TCF20: variants seen among roughly 807,000 people sequenced by gnomAD.
TCF20 encodes the protein SPRE-binding protein.
TCF20 carries 3 observed loss-of-function variants against 148.6 expected under a neutral mutation model. The observed-to-expected ratio is 0.02, with a 90% confidence interval of 0.01 to 0.05. TCF20 has a LOEUF of 0.05. TCF20 is among the 10% of genes least tolerant of loss of function. TCF20 has a pLI of 1.00. For synonymous variants in TCF20, 1,049 were observed against 909.5 expected, an observed-to-expected ratio of 1.15 and a Z score of -2.76; for missense variants, 2,350 against 2,429.3, an observed-to-expected ratio of 0.97 and a Z score of 0.69.
chr22:42,233,628 A>C (rs1427903674), intron 1 of TCF20, among the ~76,000 whole-genome samples: 1 of 152,224 alleles, frequency 6.6e-6, no homozygotes, highest in East Asian at 1.9e-4. Flanking sequence ...GTGGGACCTT[A>C]GTTCTCTTAC....
chr22:42,325,219 C>T (rs1927853256), intron 1 of TCF20, among the ~76,000 whole-genome samples: 1 of 152,246 alleles, frequency 6.6e-6, no homozygotes, highest in Non-Finnish European at 1.5e-5. Flanking sequence ...GTGCTGGAGC[C>T]ACCACCTCTG....
chr22:42,162,651 T>TCA (rs1935536196), intron 5 of TCF20, among the ~76,000 whole-genome samples: 1 of 152,164 alleles, frequency 6.6e-6, no homozygotes, highest in African/African-American at 2.4e-5. Context: ...TATCTGCCAA[T>TCA]CACTGTGCTT....
chr22:42,298,791 G>A (rs1927280438), intron 1 of TCF20, among the ~76,000 whole-genome samples: 1 of 152,250 alleles, frequency 6.6e-6, no homozygotes. Context: ...AACCACAGCA[G>A]GGATGGGCCA....
At chr22:42,243,462 C>T (rs944110221) in intron 1 of TCF20, among the ~76,000 whole-genome samples, 3 of 151,640 alleles carry the variant, frequency 2.0e-5, no homozygotes, top group African/African-American at 2.4e-5. Flanking sequence ...AATTAGCAGG[C>T]ATGGTGGTGG....
At chr22:42,306,522 C>T (rs1328642995) in intron 1 of TCF20, among the ~76,000 whole-genome samples, 1 of 152,204 alleles carries the variant, frequency 6.6e-6, no homozygotes, top group African/African-American at 2.4e-5. Flanking sequence ...AGGCAGTGGG[C>T]CTCCACTGTG....
intron 1 of TCF20, among the ~76,000 whole-genome samples, chr22:42,254,057 C>CA (rs1925581837): frequency 1.7e-5 from 1 of 58,510 alleles, no homozygotes; most frequent in Non-Finnish European, 3.2e-5. Flanking sequence ...GCCTGGGCAA[C>CA]AAGAGCAAAA....
At chr22:42,294,173 C>G (rs1429509443) in intron 1 of TCF20, among the ~76,000 whole-genome samples, 1 of 152,114 alleles carries the variant, frequency 6.6e-6, no homozygotes, top group Non-Finnish European at 1.5e-5. Context: ...CACACACCCG[C>G]CAGCCCGCTC....
rs1298303219 is a variant in TCF20 at position 42,211,192 on chromosome 22, T to C, written c.4114A>G (p.Ser1372Gly). 2 of 1,614,186 alleles carry C rather than the reference T, an allele frequency of 1.2e-6. No individual in the cohort carries two copies. Among genetic ancestry groups the C allele is most frequent in the Middle Eastern group, 1.6e-4 (1 of 6,062 alleles). The change falls in exon 2 of 6, where the codon AGT becomes GGT. Residue 1372 changes from serine to glycine, a missense_variant. Ser to Gly is a moderately conservative substitution (Grantham distance 56). This residue lies in a region of TCF20 where 231 missense variants were observed against 213.7 expected (regional missense o/e 1.08). Transcript: ENST00000677622. The stretch of plus-strand genomic sequence containing the variant: ...ACCGTGTCTCCCCCAGCCTCCGCAC[T>C]GTTCGAAGATGCGCTCCTCCTAATA... ...PNIRRSASSNSAEAGGDTVTL... is the reference protein window; with the variant it reads ...PNIRRSASSNGAEAGGDTVTL...
At position 42,266,176 on chromosome 22, in the gene TCF20, C is replaced by G. The variant is rs552018068; in HGVS notation, c.-37+4163G>C. On this transcript the variant is annotated intron_variant, in intron 1 of 5. Coordinates refer to ENST00000677622, the MANE Select transcript of TCF20 (RefSeq NM_001378418.1). ...TTTGTGCCTTGAGCAGGCAACAAAC[C>G]TAGTACAGCACAGGCTCTGGAGCCA... is the stretch of plus-strand genomic sequence containing the variant. Among the ~76,000 whole-genome samples, 10 of 152,174 alleles carry G rather than the reference C, an allele frequency of 6.6e-5. No individual in the cohort carries two copies. The South Asian group carries it at 1.0e-3, about 16-fold the overall frequency.
At chr22:42,327,457 G>A (rs1927894920) in intron 1 of TCF20, among the ~76,000 whole-genome samples, 1 of 152,188 alleles carries the variant, frequency 6.6e-6, no homozygotes, top group African/African-American at 2.4e-5. Flanking sequence ...CCAACCTGCA[G>A]CTGGGCCCAA....
At position 42,213,023 on chromosome 22, in the gene TCF20, G is replaced by A. The variant is rs1295478005; in HGVS notation, c.2283C>T (p.His761=). The A allele has an allele frequency of 7.4e-6, 12 of 1,613,970 alleles. No homozygotes were observed. Among genetic ancestry groups the A allele is most frequent in the African/African-American group, 4.0e-5 (3 of 74,900 alleles). Residue 761 remains histidine, a synonymous_variant, in exon 2 of 6, where the codon CAC becomes CAT. Transcript: ENST00000677622. Reference sequence around the variant, plus strand: ...TAGAATATCTCCTGTCAGGGTGGTGGTGGTAACCCTGAAGCACTTCCTGCA... The same window carrying A: ...TAGAATATCTCCTGTCAGGGTGGTGATGGTAACCCTGAAGCACTTCCTGCA... ...SLLQEVLQGY[H]HHPDRRYSRS... is the part of the protein sequence containing the mutation.
chr22:42,233,622 GAC>G (rs1923625947), intron 1 of TCF20, among the ~76,000 whole-genome samples: 2 of 152,196 alleles, frequency 1.3e-5, no homozygotes, highest in Non-Finnish European at 2.9e-5. Flanking sequence ...CACAGCGTGG[GAC>G]CTTAGTTCTC....
At chr22:42,226,533 T>C (rs1000338739) in intron 1 of TCF20, among the ~76,000 whole-genome samples, 3 of 151,894 alleles carry the variant, frequency 2.0e-5, no homozygotes, top group Non-Finnish European at 4.4e-5. Context: ...GGTGAAATGC[T>C]GTCTCTACTA....
At chr22:42,298,721 T>A (rs1373336760) in intron 1 of TCF20, among the ~76,000 whole-genome samples, 1 of 152,208 alleles carries the variant, frequency 6.6e-6, no homozygotes, top group Non-Finnish European at 1.5e-5. Flanking sequence ...CCTAATTTCA[T>A]CTATCTCTGC....
chr22:42,176,096 CTCTGTT>C (rs1936432768), intron 3 of TCF20, among the ~76,000 whole-genome samples: 1 of 152,188 alleles, frequency 6.6e-6, no homozygotes, highest in African/African-American at 2.4e-5. Context: ...ACACCTGGCA[CTCTGTT>C]TCTGATTCCC....
At chr22:42,327,919 T>C (rs547265537) in intron 1 of TCF20, among the ~76,000 whole-genome samples, 134 of 152,016 alleles carry the variant, frequency 8.8e-4, no homozygotes, top group African/African-American at 3.0e-3. Context: ...GCACAGGCTT[T>C]CTCTTAGCCT....
intron 1 of TCF20, among the ~76,000 whole-genome samples, chr22:42,337,169 C>T (rs2147062063): frequency 6.6e-6 from 1 of 152,214 alleles, no homozygotes; most frequent in East Asian, 1.9e-4. Context: ...TGTCCAAGGC[C>T]CCTGTGGTCT....
intron 1 of TCF20, among the ~76,000 whole-genome samples, chr22:42,249,576 A>G (rs1033780732): frequency 6.6e-6 from 1 of 152,374 alleles, no homozygotes; most frequent in Non-Finnish European, 1.5e-5. Context: ...CTGGTGCTGC[A>G]AAAGCAGAAA....
At chr22:42,324,405 G>GA (rs1927831477) in intron 1 of TCF20, among the ~76,000 whole-genome samples, 1 of 152,012 alleles carries the variant, frequency 6.6e-6, no homozygotes, top group African/African-American at 2.4e-5. Context: ...AGTGATAGAA[G>GA]AAAATAACCT....
Sources: allele counts gnomAD v4.1 joint callset (sites outside exome capture counted in the v4.1 genomes callset), GRCh38; gene constraint gnomAD v4.1.1; regional missense constraint gnomAD v4.1.1; transcripts MANE v1.5; gene names NCBI Gene and HGNC (gene_info 2026-07-23, HGNC 2026-07-21).